DCAF15: variants seen among roughly 807,000 people sequenced by gnomAD.
DCAF15 encodes the protein DDB1 and CUL4 associated factor 15.
In DCAF15, 24 loss-of-function variants were observed where a neutral mutation model predicts 68.0. That is an observed-to-expected ratio of 0.35 (90% CI 0.26 to 0.50). The LOEUF (loss-of-function observed/expected upper bound fraction) is 0.50. Among genes scored for constraint, DCAF15 ranks in the 20% least tolerant of loss-of-function variants. The pLI is 0.98. For missense variants in DCAF15, 627 were observed against 830.6 expected (o/e 0.75, Z 3.01); for synonymous variants, 376 against 341.6 (o/e 1.10, Z -1.11).
chr19:13,960,211 G>C (rs1016269235), intron 10 of DCAF15, 76 bp from the exon 11 acceptor site: 1 of 1,571,364 alleles, frequency 6.4e-7, no homozygotes, highest in Non-Finnish European at 8.7e-7. Flanking sequence ...AAGACAAAAG[G>C]CCCTCAGGGT....
In DCAF15 at chr19:13,959,840, C is replaced by A. The variant is rs768136755; in HGVS notation, c.1385C>A (p.Ala462Asp). Reference sequence around the variant, plus strand: ...ATCAATGAGGTCATCCGCCACGACGCTACCTGGGGCCATCAGTTCTGTTCT... The same window carrying A: ...ATCAATGAGGTCATCCGCCACGACGATACCTGGGGCCATCAGTTCTGTTCT... ...YVINEVIRHD[A>D]TWGHQFCSFS... The change falls in exon 9 of 13, where the codon GCT (alanine) becomes GAT (aspartate). Residue 462 changes from alanine to aspartate, a missense_variant. Around this residue, in one of 3 missense-constraint regions of DCAF15, gnomAD observed 118 missense variants for 211.8 expected, o/e 0.56. Transcript: ENST00000254337. The A allele has an allele frequency of 1.3e-5, 21 of 1,561,980 alleles. No homozygotes were observed. Among genetic ancestry groups the A allele is most frequent in the Admixed American group, 1.7e-5 (1 of 58,298 alleles).
rs753816318 is a variant in DCAF15 at position 13,959,906 on chromosome 19, G to C, written c.1440+11G>C. On this transcript the variant is annotated intron_variant, in intron 9 of 12. Transcript: ENST00000254337. ...ATCGTCATTCTGGAGGTGGGCCCAG[G>C]GCGGGCAGGGTGGGCCCAGGGCCTC... The C allele has an allele frequency of 3.7e-6, 6 of 1,612,232 alleles. 1 individual carries two copies. In the South Asian group the frequency reaches 6.6e-5, roughly 18 times the overall value.
intron 4 of DCAF15, 37 bp downstream of exon 4, chr19:13,956,055 G>C: frequency 6.2e-7 from 1 of 1,612,578 alleles, no homozygotes; most frequent in South Asian, 1.1e-5. Context: ...TGGCTGGTTG[G>C]GGCAGGGGGT....
rs1049348577 is a variant in DCAF15, at chr19:13,958,945, G to A, written c.785-100G>A. ...GATCTCAGCATAGCCAAGTCTCCTA[G>A]AAGTGTCTCCTTAAGGTGGGTTTCT... On this transcript the variant is annotated intron_variant, in intron 6 of 12. Coordinates refer to ENST00000254337, the MANE Select transcript of DCAF15 (RefSeq NM_138353.4). The A allele has an allele frequency of 2.8e-6, 4 of 1,418,304 alleles. No individual in the cohort carries two copies. In the African/African-American group the frequency reaches 5.7e-5, roughly 20 times the overall value. 87.9% of individuals were successfully genotyped at this position (1,418,304 alleles called of 1,614,324 possible). A position where few individuals can be genotyped will look rare whatever the true frequency, so the allele number is the denominator to read the frequency against.
intron 6 of DCAF15, among the ~76,000 whole-genome samples, chr19:13,957,532 A>G (rs1973416804): frequency 6.6e-6 from 1 of 152,200 alleles, no homozygotes; most frequent in African/African-American, 2.4e-5. Context: ...CTGTGTGTGC[A>G]TCCATGGAGC....
intron 1 of DCAF15, chr19:13,953,257 C>T: frequency 2.1e-6 from 2 of 971,266 alleles, no homozygotes; most frequent in Non-Finnish European, 3.0e-6. Context: ...TGATGTCTCT[C>T]TCCCCCATCA....
Position 13,961,085 on chromosome 19 carries a change from CCCA to C in DCAF15, c.*93_*95del. 1 of 1,495,770 alleles carries C rather than the reference CCCA, an allele frequency of 6.7e-7. No individual in the cohort carries two copies. The highest frequency in any genetic ancestry group is 9.2e-7 in the Non-Finnish European group (1 of 1,087,306). 92.7% of individuals were successfully genotyped at this position (1,495,770 alleles called of 1,614,324 possible). A position where few individuals can be genotyped will look rare whatever the true frequency, so the allele number is the denominator to read the frequency against. ...GGGTGGCCTCTTCCTGGCCGGCTGG[CCCA>C]CCGACTGATGACCGGCACTAGTGTT... On this transcript the variant is annotated 3_prime_UTR_variant, in exon 13 of 13. Coordinates refer to ENST00000254337, the MANE Select transcript of DCAF15 (RefSeq NM_138353.4).
intron 6 of DCAF15, among the ~76,000 whole-genome samples, chr19:13,957,620 G>C (rs563531100): frequency 9.9e-5 from 15 of 152,146 alleles, no homozygotes; most frequent in Non-Finnish European, 1.5e-4. Flanking sequence ...TTAAAAAGAC[G>C]ATTTAGGCCA....
intron 1 of DCAF15, chr19:13,953,255 C>T (rs1001839602): frequency 1.7e-5 from 17 of 981,470 alleles, no homozygotes; most frequent in East Asian, 3.1e-5. Flanking sequence ...GATGATGTCT[C>T]TCTCCCCCAT....
chr19:13,961,407 C>T lies in DCAF15; in HGVS notation c.*412C>T, dbSNP rs1412824449. Reference sequence around the variant, plus strand: ...GGCCGGCAACCTGGCCATCCCCATTCCGTTCTTCTTCATGTAATAAATGTT... The same window carrying T: ...GGCCGGCAACCTGGCCATCCCCATTTCGTTCTTCTTCATGTAATAAATGTT... On this transcript the variant is annotated 3_prime_UTR_variant, in exon 13 of 13. Coordinates refer to ENST00000254337, the MANE Select transcript of DCAF15 (RefSeq NM_138353.4). The T allele has an allele frequency of 4.6e-6, 1 of 215,966 alleles. No homozygotes were observed. Among genetic ancestry groups the T allele is most frequent in the Non-Finnish European group, 9.4e-6 (1 of 106,754 alleles). The allele number at this position is 215,966 out of a possible 1,614,324, so 13.4% of individuals were successfully genotyped here.
chr19:13,958,379 A>G (rs1973452354), intron 6 of DCAF15, among the ~76,000 whole-genome samples: 1 of 151,864 alleles, frequency 6.6e-6, no homozygotes, highest in Non-Finnish European at 1.5e-5. Context: ...GATTTTTCTC[A>G]GATGTGACCT....
chr19:13,952,628 A>AGCTGGAGCGGGTCAAGGT lies in DCAF15; in HGVS notation c.118_132+3dup. 1 of 1,268,076 alleles carries AGCTGGAGCGGGTCAAGGT rather than the reference A, an allele frequency of 7.9e-7. No homozygotes were observed. The highest frequency in any genetic ancestry group is 1.0e-6 in the Non-Finnish European group (1 of 1,004,264). The allele number at this position is 1,268,076 out of a possible 1,614,324, so 78.6% of individuals were successfully genotyped here. A position where few individuals can be genotyped will look rare whatever the true frequency, so the allele number is the denominator to read the frequency against. On this transcript the variant is annotated inframe_insertion, in exon 1 of 13. Transcript: ENST00000254337. ...CGGCGGCGGGAGCACGTCCTCAAGCAGCTGGAGCGGGTCAAGGTGAGGCCT... is the reference window on the plus strand; with the variant it reads ...CGGCGGCGGGAGCACGTCCTCAAGCAGCTGGAGCGGGTCAAGGTGCTGGAGCGGGTCAAGGTGAGGCCT...
In DCAF15 at chr19:13,956,271, G is replaced by A. The variant is rs779210411; in HGVS notation, c.613+9G>A. The A allele has an allele frequency of 1.2e-6, 2 of 1,612,024 alleles. No individual in the cohort carries two copies. The highest frequency in any genetic ancestry group is 3.3e-5 in the Admixed American group (2 of 59,964). ...CAGCCGAGCCCACCCAGGTGAGGGG[G>A]CCGAGGGGGCGAGGGCCTCTTCCCC... On this transcript the variant is annotated intron_variant, in intron 5 of 12. Transcript: ENST00000254337.
Position 13,959,373 on chromosome 19 carries a change from G to C in DCAF15, c.1113G>C (p.Arg371=), listed in dbSNP as rs150062595. 3 of 1,606,038 alleles carry C rather than the reference G, an allele frequency of 1.9e-6. No individual in the cohort carries two copies. The highest frequency in any genetic ancestry group is 2.2e-5 in the South Asian group (2 of 91,082). ...CCCTGTGTGGAGAGACGGCACCCCGGGACAGCCCCCCTGCCTCGGAGGCAC... is the reference window on the plus strand; with the variant it reads ...CCCTGTGTGGAGAGACGGCACCCCGCGACAGCCCCCCTGCCTCGGAGGCAC... ...PLALCGETAP[R]DSPPASEAPA... is the part of the protein sequence containing the mutation. The change falls in exon 7 of 13, where the codon CGG becomes CGC. Residue 371 remains arginine, a synonymous_variant. Transcript: ENST00000254337.
chr19:13,959,676 G>T lies in DCAF15; in HGVS notation c.1311+3G>T. ...TGCGGGAGCGGACTGCTGTCCAGGT[G>T]GGTGTGGGCAGTGGGCGGGCCAAGG... is the stretch of plus-strand genomic sequence containing the variant. On this transcript the variant is annotated splice_donor_region_variant and intron_variant, in intron 8 of 12. Transcript: ENST00000254337. 1 of 1,613,376 alleles carries T rather than the reference G, an allele frequency of 6.2e-7. No individual in the cohort carries two copies. The highest frequency in any genetic ancestry group is 8.5e-7 in the Non-Finnish European group (1 of 1,179,878).
In DCAF15 at chr19:13,959,644, C is replaced by T. The variant is rs868065360; in HGVS notation, c.1282C>T (p.Arg428Trp). The change falls in exon 8 of 13, where the codon CGG becomes TGG. Residue 428 changes from arginine to tryptophan, a missense_variant. By Grantham distance (101) the Arg-to-Trp change is moderately radical. Coordinates refer to ENST00000254337, the MANE Select transcript of DCAF15 (RefSeq NM_138353.4). ...GACTGATCTTCGTGGCCGCAACCTG[C>T]GGCCCATGCGGGAGCGGACTGCTGT... ...VVTDLRGRNL[R>W]PMRERTAVQG... The T allele has an allele frequency of 6.8e-6, 11 of 1,613,308 alleles. No homozygotes were observed. The highest frequency in any genetic ancestry group is 4.0e-5 in the African/African-American group (3 of 74,908).
chr19:13,952,687 G>C, intron 1 of DCAF15, 43 bp downstream of exon 1: 1 of 1,127,312 alleles, frequency 8.9e-7, no homozygotes, highest in Non-Finnish European at 1.1e-6. Context: ...GGAGGGTGGG[G>C]AGTAGGGACG....
chr19:13,953,245 GA>G, intron 1 of DCAF15: 1 of 1,087,322 alleles, frequency 9.2e-7, no homozygotes, highest in Non-Finnish European at 1.3e-6. Context: ...AGAGCTGGGG[GA>G]TGATGTCTCT....
intron 6 of DCAF15, among the ~76,000 whole-genome samples, chr19:13,958,344 C>T (rs932499961): frequency 2.0e-5 from 3 of 152,076 alleles, no homozygotes; most frequent in Non-Finnish European, 4.4e-5. Flanking sequence ...AGGGCTGTCA[C>T]GGTGGTGGAG....
Sources: gnomAD v4.1 joint callset for allele counts (sites outside exome capture counted in the v4.1 genomes callset) on GRCh38, gnomAD v4.1.1 for gene constraint, gnomAD v4.1.1 regional missense constraint, MANE v1.5 for transcripts, NCBI Gene and HGNC (gene_info 2026-07-23, HGNC 2026-07-21) for gene names.